ZBTB48: variants seen among roughly 807,000 people sequenced by gnomAD.
ZBTB48 encodes the protein zinc finger and BTB domain-containing protein 48.
ZBTB48 carries 35 observed loss-of-function variants against 64.5 expected under a neutral mutation model. That is an observed-to-expected ratio of 0.54 (90% confidence interval 0.41 to 0.72). The LOEUF (loss-of-function observed/expected upper bound fraction) is 0.72. Ranked by LOEUF, ZBTB48 falls within the 30% of genes least tolerant of loss-of-function variation. The pLI, the probability that ZBTB48 is intolerant of heterozygous loss-of-function variation, is 0.00. For missense variants in ZBTB48, 828 were observed against 895.3 expected, an observed-to-expected ratio of 0.92 and a Z score of 0.96; for synonymous variants, 442 against 356.7, an observed-to-expected ratio of 1.24 and a Z score of -2.70.
chr1:6,586,916 TCCCTGCC>T (rs1409978082), intron 5 of ZBTB48, 129 bp downstream of exon 5: 1 of 1,081,296 alleles, frequency 9.2e-7, no homozygotes, highest in African/African-American at 1.6e-5. Flanking sequence ...TTCCCTGCCT[TCCCTGCC>T]TTTCCAGTGC....
In ZBTB48 at chr1:6,589,070, T is replaced by C. The variant is rs778487706; in HGVS notation, c.1925T>C (p.Ile642Thr). 6.8e-6 allele frequency: 11 copies of C among 1,607,376 alleles called. No individual in the cohort carries two copies. Among genetic ancestry groups the C allele is most frequent in the East Asian group, 2.2e-5 (1 of 44,840 alleles). The change falls in exon 11 of 11, where the codon ATT (isoleucine) becomes ACT (threonine). Residue 642 changes from isoleucine to threonine, a missense_variant. Transcript: ENST00000377674. ...CTGGAGGTGGGCTCGGCGGAGGTCA[T>C]TGTGGAGTCCCTGGCCCAGGGCGGC... ...AELEVGSAEV[I>T]VESLAQGGLA...
chr1:6,580,020 A>C lies in ZBTB48; in HGVS notation c.-186A>C, dbSNP rs1640364766. On this transcript the variant is annotated 5_prime_UTR_variant, in exon 1 of 11. Coordinates refer to ENST00000377674, the MANE Select transcript of ZBTB48 (RefSeq NM_005341.4). This position sits in a 1 kb window ranked among gnomAD's most constrained non-coding sequence, Gnocchi z 5.2. ...CGCTTTGACGTCACGTCCGGCGCGG[A>C]GACGGTGGAGTCTCCGCACTGTCGG... The C allele has an allele frequency of 9.8e-6, 2 of 203,540 alleles. No individual in the cohort carries two copies. Among genetic ancestry groups the C allele is most frequent in the African/African-American group, 2.4e-5 (1 of 42,510 alleles). The allele number at this position is 203,540 out of a possible 1,614,324, so 12.6% of individuals were successfully genotyped here.
At chr1:6,581,334 A>G in intron 2 of ZBTB48, 35 bp downstream of exon 2, 1 of 1,531,532 alleles carries the variant, frequency 6.5e-7, no homozygotes, top group East Asian at 2.3e-5. Context: ...TGGGGAGACA[A>G]ATAGAGGGAA....
intron 3 of ZBTB48, among the ~76,000 whole-genome samples, chr1:6,582,888 T>C (rs547657355): frequency 6.6e-6 from 1 of 152,378 alleles, no homozygotes; most frequent in East Asian, 1.9e-4. Context: ...CAGGCTGGTC[T>C]CAAACTCCTG....
At position 6,580,889 on chromosome 1, in the gene ZBTB48, C is replaced by G. The variant is rs1640421704; in HGVS notation, c.280C>G (p.Gln94Glu). The G allele has an allele frequency of 6.2e-7, 1 of 1,614,024 alleles. No homozygotes were observed. Among genetic ancestry groups the G allele is most frequent in the Non-Finnish European group, 8.5e-7 (1 of 1,180,058 alleles). Residue 94 changes from glutamine to glutamate, a missense_variant, in exon 2 of 11, where the codon CAG (glutamine) becomes GAG (glutamate). Physicochemically the swap from Gln to Glu is conservative, Grantham distance 29 (BLOSUM62 2). Transcript: ENST00000377674. The surrounding 1 kb of genome is among the most constrained non-coding windows in gnomAD (Gnocchi z 5.2). ...CGCTCTCACCTCAGGGAACCGGGATCAGGTGCTCCTGGCAGCCAGGGAGTT... is the reference window on the plus strand; with the variant it reads ...CGCTCTCACCTCAGGGAACCGGGATGAGGTGCTCCTGGCAGCCAGGGAGTT... ...HLALTSGNRD[Q>E]VLLAARELRV...
intron 4 of ZBTB48, chr1:6,586,349 C>T: frequency 4.0e-6 from 2 of 498,400 alleles, no homozygotes; most frequent in Non-Finnish European, 7.2e-6. Flanking sequence ...GCCCCCTGGC[C>T]ACCCCCAGCA....
chr1:6,587,916 T>G, intron 7 of ZBTB48, 144 bp from the exon 8 acceptor site: 1 of 1,226,796 alleles, frequency 8.2e-7, no homozygotes, highest in Non-Finnish European at 1.1e-6. Context: ...TCATAGATTG[T>G]CCTTCTGCTC....
rs1640409804 is a variant in ZBTB48 at position 6,580,639 on chromosome 1, G to T, written c.30G>T (p.Val10=). MDGSFVQHS[V]RVLQELNKQR... ...ACGGCTCCTTCGTCCAGCACAGTGT[G>T]AGGGTTCTGCAGGAGCTCAACAAGC... Residue 10 remains valine (V), a synonymous_variant, in exon 2 of 11, where the codon GTG becomes GTT. Coordinates refer to ENST00000377674, the MANE Select transcript of ZBTB48 (RefSeq NM_005341.4). The surrounding 1 kb of genome is among the most constrained non-coding windows in gnomAD (Gnocchi z 5.2). The T allele has an allele frequency of 6.2e-7, 1 of 1,613,866 alleles. No homozygotes were observed.
rs747889904 is a variant in ZBTB48, at chr1:6,581,257, C to G, written c.648C>G (p.Pro216=). The G allele has an allele frequency of 1.2e-4, 200 of 1,610,848 alleles. No homozygotes were observed. Among genetic ancestry groups the G allele is most frequent in the Admixed American group, 2.0e-4 (12 of 59,656 alleles). The stretch of plus-strand genomic sequence containing the variant: ...AGGACTGCAAAGTGCCCCCAAGGCC[C>G]TTAGAGGCTGAAGGTGCCCAGCTGC... ...KPEDCKVPPR[P]LEAEGAQLQG... The change falls in exon 2 of 11, where the codon CCC becomes CCG. Residue 216 remains proline, a synonymous_variant. Transcript: ENST00000377674.
intron 7 of ZBTB48, 87 bp downstream of exon 7, chr1:6,587,719 T>C: frequency 1.3e-6 from 2 of 1,557,926 alleles, no homozygotes; most frequent in Non-Finnish European, 1.7e-6. Context: ...TGCTGACTTT[T>C]ACACAGATGA....
Position 6,580,542 on chromosome 1 carries a change from A to C in ZBTB48, c.-68A>C. On this transcript the variant is annotated splice_region_variant and 5_prime_UTR_variant, in exon 2 of 11. Coordinates refer to ENST00000377674, the MANE Select transcript of ZBTB48 (RefSeq NM_005341.4). The surrounding 1 kb of genome is among the most constrained non-coding windows in gnomAD (Gnocchi z 5.2). ...CCCGTTTCTCTCTCTTGACTCCAGG[A>C]GCTTTCTCTTGCATACCCTCGCTTA... 2 of 1,501,408 alleles carry C rather than the reference A, an allele frequency of 1.3e-6. No homozygotes were observed. The highest frequency in any genetic ancestry group is 1.8e-6 in the Non-Finnish European group (2 of 1,109,664). 93.0% of individuals were successfully genotyped at this position (1,501,408 alleles called of 1,614,324 possible). A position where few individuals can be genotyped will look rare whatever the true frequency, so the allele number is the denominator to read the frequency against.
chr1:6,588,746 C>A lies in ZBTB48; in HGVS notation c.1682-10C>A. The A allele has an allele frequency of 6.2e-7, 1 of 1,613,960 alleles. No individual in the cohort carries two copies. On this transcript the variant is annotated splice_polypyrimidine_tract_variant and intron_variant, in intron 9 of 10. Transcript: ENST00000377674. ...CTGCATGATCCCCCACGGTGTTCTC[C>A]CTCTTGCAGCCGTGGAGCAACTGCG...
chr1:6,583,734 G>T (rs942890183), intron 3 of ZBTB48, among the ~76,000 whole-genome samples: 1 of 150,926 alleles, frequency 6.6e-6, no homozygotes, highest in African/African-American at 2.4e-5. Flanking sequence ...CTCAGTAGCT[G>T]GGACTACAGG....
rs1347064232 is a variant in ZBTB48 at position 6,581,170 on chromosome 1, C to A, written c.561C>A (p.Ser187=). Residue 187 remains serine (S), a synonymous_variant, in exon 2 of 11, where the codon TCC becomes TCA. Coordinates refer to ENST00000377674, the MANE Select transcript of ZBTB48 (RefSeq NM_005341.4). ...LHSPAQSEGP[S]SLCGKLKQAL... ...CCCCAGCTCAGAGTGAGGGCCCCTC[C>A]TCCCTCTGTGGGAAACTGAAGCAGG... is the stretch of plus-strand genomic sequence containing the variant. 1.9e-6 allele frequency: 3 copies of A among 1,613,398 alleles called. No individual in the cohort carries two copies. The highest frequency in any genetic ancestry group is 1.3e-5 in the African/African-American group (1 of 74,932).
In ZBTB48 at chr1:6,580,438, C is replaced by T. The variant is rs1640398216; in HGVS notation, c.-69-103C>T. 1 of 682,026 alleles carries T rather than the reference C, an allele frequency of 1.5e-6. No homozygotes were observed. Among genetic ancestry groups the T allele is most frequent in the Non-Finnish European group, 2.4e-6 (1 of 413,196 alleles). The allele number at this position is 682,026 out of a possible 1,614,324, so 42.2% of individuals were successfully genotyped here. A position where few individuals can be genotyped will look rare whatever the true frequency, so the allele number is the denominator to read the frequency against. ...GCCCCCGGGAGGCTGTCAGTGTGTT[C>T]CAGCCCTCCGCGTGCACCCCTCACC... On this transcript the variant is annotated intron_variant, in intron 1 of 10. Coordinates refer to ENST00000377674, the MANE Select transcript of ZBTB48 (RefSeq NM_005341.4). The surrounding 1 kb of genome is among the most constrained non-coding windows in gnomAD (Gnocchi z 5.2).
At chr1:6,583,395 G>T (rs1179362514) in intron 3 of ZBTB48, among the ~76,000 whole-genome samples, 1 of 152,044 alleles carries the variant, frequency 6.6e-6, no homozygotes, top group East Asian at 1.9e-4. Flanking sequence ...CCGCCTCCTG[G>T]GTTCAAGCGA....
Position 6,584,155 on chromosome 1 carries a change from C to T in ZBTB48, c.933-1764C>T. 6.6e-6 allele frequency among the ~76,000 whole-genome samples: 1 copy of T among 152,150 alleles called. No homozygotes were observed. Among genetic ancestry groups the T allele is most frequent in the Admixed American group, 6.5e-5 (1 of 15,278 alleles). Reference sequence around the variant, plus strand: ...GATCTCAAACTCCTGACCTTGCGATCCACCTGCCTTAGCTTCCCAAAGTGC... The same window carrying T: ...GATCTCAAACTCCTGACCTTGCGATTCACCTGCCTTAGCTTCCCAAAGTGC... On this transcript the variant is annotated intron_variant, in intron 3 of 10. Coordinates refer to ENST00000377674, the MANE Select transcript of ZBTB48 (RefSeq NM_005341.4). The surrounding 1 kb of genome is among the most constrained non-coding windows in gnomAD (Gnocchi z 4.5).
At position 6,587,193 on chromosome 1, in the gene ZBTB48, CCT is replaced by C; in HGVS notation, c.1138-9_1138-8del. 6.2e-7 allele frequency: 1 copy of C among 1,613,888 alleles called. No individual in the cohort carries two copies. Among genetic ancestry groups the C allele is most frequent in the African/African-American group, 1.3e-5 (1 of 75,026 alleles). ...AGGCCGCCCTGGAGGTGACTGTGGG[CCT>C]CTTTTTCAGTGTTCCTCCTGCTCCC... On this transcript the variant is annotated splice_polypyrimidine_tract_variant and intron_variant, in intron 5 of 10. Transcript: ENST00000377674.
Position 6,582,096 on chromosome 1 carries a change from C to G in ZBTB48, c.729C>G (p.Gly243=). 6.2e-7 allele frequency: 1 copy of G among 1,614,038 alleles called. No individual in the cohort carries two copies. The highest frequency in any genetic ancestry group is 8.5e-7 in the Non-Finnish European group (1 of 1,180,008). ...VVVQVEDDGD[G]DYMSEPEAVL... ...TTCAAGTGGAGGATGATGGGGATGG[C>G]GATTACATGTCTGAGCCTGAGGCTG... is the stretch of plus-strand genomic sequence containing the variant. The change falls in exon 3 of 11, where the codon GGC becomes GGG. Residue 243 remains glycine (G), a synonymous_variant. Transcript: ENST00000377674.
Sources: gnomAD v4.1 joint callset for allele counts (sites outside exome capture counted in the v4.1 genomes callset) on GRCh38, gnomAD v4.1.1 for gene constraint, Gnocchi (gnomAD v3.1) non-coding constraint, MANE v1.5 for transcripts, NCBI Gene and HGNC (gene_info 2026-07-23, HGNC 2026-07-21) for gene names.